The following AKAP5 variants were observed in gnomAD, a reference collection of about 807,000 sequenced individuals.
AKAP5 encodes A-kinase anchoring protein 5.
Under a neutral mutation model 13.8 loss-of-function variants are expected in AKAP5, and 5 were observed. The observed-to-expected ratio is 0.36, with a 90% CI of 0.19 to 0.76. AKAP5 has a LOEUF of 0.76. Ranked by LOEUF, AKAP5 falls within the 30% of genes least tolerant of loss-of-function variation. The probability of loss-of-function intolerance (pLI) is 0.51; values close to 1 mark genes in which losing one functional copy is unlikely to be tolerated. For synonymous variants in AKAP5, 148 were observed against 167.2 expected (o/e 0.89, Z 0.89); for missense variants, 406 against 484.4 (o/e 0.84, Z 1.52).
In AKAP5 at chr14:64,473,664, C is replaced by A. The variant is rs1402279739; in HGVS notation, c.*3986C>A. ...AAAAATAATTGTTAGGCTTTAGAAT[C>A]CCACTGTTTGAAAAGATCCTTTTAA... On this transcript the variant is annotated 3_prime_UTR_variant, in exon 2 of 2. Transcript: ENST00000394718. 1.2e-5 allele frequency: 2 copies of A among 166,948 alleles called. No individual in the cohort carries two copies. The highest frequency in any genetic ancestry group is 2.9e-5 in the Non-Finnish European group (2 of 68,106). The allele number at this position is 166,948 out of a possible 1,614,324, so 10.3% of individuals were successfully genotyped here.
In AKAP5 at chr14:64,473,467, G is replaced by C. The variant is rs1235532952; in HGVS notation, c.*3789G>C. The C allele has an allele frequency of 6.0e-6, 1 of 166,984 alleles. No individual in the cohort carries two copies. Among genetic ancestry groups the C allele is most frequent in the Non-Finnish European group, 1.5e-5 (1 of 68,122 alleles). The allele number at this position is 166,984 out of a possible 1,614,324, so 10.3% of individuals were successfully genotyped here. On this transcript the variant is annotated 3_prime_UTR_variant, in exon 2 of 2. Coordinates refer to ENST00000394718, the MANE Select transcript of AKAP5 (RefSeq NM_004857.3). ...TTATTTCACCAGTATATGTGAACAG[G>C]CTTGCTAAAGGCATTAAAGATATGG... is the stretch of plus-strand genomic sequence containing the variant.
In AKAP5 at chr14:64,469,741, G is replaced by A; in HGVS notation, c.*63G>A. On this transcript the variant is annotated 3_prime_UTR_variant, in exon 2 of 2. Coordinates refer to ENST00000394718, the MANE Select transcript of AKAP5 (RefSeq NM_004857.3). ...ATGAAGAATTCTTTTATACATTTGT[G>A]GCATTTCTTACTCAGTAACAAATGA... 1 of 1,221,442 alleles carries A rather than the reference G, an allele frequency of 8.2e-7. No homozygotes were observed. The highest frequency in any genetic ancestry group is 1.1e-6 in the Non-Finnish European group (1 of 880,368). 75.7% of individuals were successfully genotyped at this position (1,221,442 alleles called of 1,614,324 possible). A position where few individuals can be genotyped will look rare whatever the true frequency, so the allele number is the denominator to read the frequency against.
intron 1 of AKAP5, among the ~76,000 whole-genome samples, chr14:64,466,235 A>T (rs1490514767): frequency 6.6e-6 from 1 of 152,268 alleles, no homozygotes; most frequent in African/African-American, 2.4e-5. Flanking sequence ...TTGCTGGTTA[A>T]GAGCGAATCA....
Position 64,472,482 on chromosome 14 carries a change from TTTAC to T in AKAP5, c.*2807_*2810del, listed in dbSNP as rs1472243692. 6.0e-6 allele frequency: 1 copy of T among 166,942 alleles called. No homozygotes were observed. Among genetic ancestry groups the T allele is most frequent in the Admixed American group, 6.5e-5 (1 of 15,278 alleles). The allele number at this position is 166,942 out of a possible 1,614,324, so 10.3% of individuals were successfully genotyped here. A position where few individuals can be genotyped will look rare whatever the true frequency, so the allele number is the denominator to read the frequency against. On this transcript the variant is annotated 3_prime_UTR_variant, in exon 2 of 2. Transcript: ENST00000394718. Reference sequence around the variant, plus strand: ...GTAAAATTTTATCTAATACTAGGTTTTTACTTTTTTCACTGTGGTTTGATATATA... The same window carrying T: ...GTAAAATTTTATCTAATACTAGGTTTTTTTTTCACTGTGGTTTGATATATA...
At position 64,474,217 on chromosome 14, in the gene AKAP5, C is replaced by T. The variant is rs1483636223; in HGVS notation, c.*4539C>T. The T allele has an allele frequency of 6.0e-6, 1 of 166,990 alleles. No individual in the cohort carries two copies. Among genetic ancestry groups the T allele is most frequent in the African/African-American group, 2.4e-5 (1 of 41,418 alleles). 10.3% of individuals were successfully genotyped at this position (166,990 alleles called of 1,614,324 possible). A position where few individuals can be genotyped will look rare whatever the true frequency, so the allele number is the denominator to read the frequency against. ...GAAGGTGGTGATCTGAATACAGCAG[C>T]AGTTTGAAAGTGTTCCGTTTTTAAA... On this transcript the variant is annotated 3_prime_UTR_variant, in exon 2 of 2. Transcript: ENST00000394718.
rs1487137640 is a variant in AKAP5, at chr14:64,473,535, TTAACTTCATCCATACATTTC to T, written c.*3872_*3891del. ...TTTGGCTTCTGTATGCAATCCAGCA[TTAACTTCATCCATACATTTC>T]TAACTTCATCCATAAATTTCTAACT... On this transcript the variant is annotated 3_prime_UTR_variant, in exon 2 of 2. Transcript: ENST00000394718. The T allele has an allele frequency of 6.0e-6, 1 of 167,106 alleles. No homozygotes were observed. Among genetic ancestry groups the T allele is most frequent in the Non-Finnish European group, 1.5e-5 (1 of 68,116 alleles). The allele number at this position is 167,106 out of a possible 1,614,324, so 10.4% of individuals were successfully genotyped here.
Position 64,469,490 on chromosome 14 carries a change from G to T in AKAP5, c.1096G>T (p.Ala366Ser). Residue 366 changes from alanine to serine, a missense_variant, in exon 2 of 2, where the codon GCT (alanine) becomes TCT (serine). Coordinates refer to ENST00000394718, the MANE Select transcript of AKAP5 (RefSeq NM_004857.3). ...TGTCCCTAAGCAATTCTTAATTTCA[G>T]CTGAAAATGAGCAAGTAGGGGTTTT... is the stretch of plus-strand genomic sequence containing the variant. ...KNVPKQFLIS[A>S]ENEQVGVFAN... 1 of 1,613,146 alleles carries T rather than the reference G, an allele frequency of 6.2e-7. No individual in the cohort carries two copies. Among genetic ancestry groups the T allele is most frequent in the South Asian group, 1.1e-5 (1 of 90,662 alleles).
Position 64,471,154 on chromosome 14 carries a change from CTTTT to C in AKAP5, c.*1489_*1492del, listed in dbSNP as rs377652418. The C allele has an allele frequency of 3.6e-5, 5 of 137,296 alleles. No homozygotes were observed. The highest frequency in any genetic ancestry group is 2.7e-5 in the African/African-American group (1 of 36,418). The allele number at this position is 137,296 out of a possible 1,614,324, so 8.5% of individuals were successfully genotyped here. A position where few individuals can be genotyped will look rare whatever the true frequency, so the allele number is the denominator to read the frequency against. On this transcript the variant is annotated 3_prime_UTR_variant, in exon 2 of 2. Transcript: ENST00000394718. ...AACTTTTTCATCACTATTTTCTTTT[CTTTT>C]TTTTTTTTTTTTGAGATGGAGTCTC... is the stretch of plus-strand genomic sequence containing the variant.
At position 64,469,199 on chromosome 14, in the gene AKAP5, C is replaced by A; in HGVS notation, c.805C>A (p.Pro269Thr). 6.2e-7 allele frequency: 1 copy of A among 1,614,088 alleles called. No individual in the cohort carries two copies. Among genetic ancestry groups the A allele is most frequent in the African/African-American group, 1.3e-5 (1 of 75,032 alleles). The change falls in exon 2 of 2, where the codon CCT (proline) becomes ACT (threonine). Residue 269 changes from proline (P) to threonine (T), a missense_variant. By Grantham distance (38) the Pro-to-Thr change is conservative. Transcript: ENST00000394718. ...AGTACTTTCTGATGTTCCTCCTTTA[C>A]CTGCAATTCCAGATCAACAAATTGT... The part of the protein sequence containing the change: ...QPVLSDVPPL[P>T]AIPDQQIVEE...
At position 64,468,823 on chromosome 14, in the gene AKAP5, AAT is replaced by A; in HGVS notation, c.430_431del (p.Ile144TyrfsTer15). The A allele has an allele frequency of 1.2e-6, 2 of 1,614,190 alleles. No individual in the cohort carries two copies. Among genetic ancestry groups the A allele is most frequent in the Non-Finnish European group, 1.7e-6 (2 of 1,180,042 alleles). On this transcript the variant is annotated frameshift_variant, in exon 2 of 2. Coordinates refer to ENST00000394718, the MANE Select transcript of AKAP5 (RefSeq NM_004857.3). LOFTEE classifies it low-confidence loss of function (END_TRUNC). ...GGCCAAAAAGGAGTAATCATTCCAA[AAT>A]TATAGAAGACTCAGACTGCAGCATC... ...RGPKRSNHSK[I>X]IEDSDCSIKV...
Position 64,470,919 on chromosome 14 carries a change from T to C in AKAP5, c.*1241T>C, listed in dbSNP as rs1207054141. ...CAACTTCTCTCCAAAGAGGGGAGAG[T>C]AGATTCAAAGCCAGCCTGGTAGTAA... On this transcript the variant is annotated 3_prime_UTR_variant, in exon 2 of 2. Coordinates refer to ENST00000394718, the MANE Select transcript of AKAP5 (RefSeq NM_004857.3). 6.0e-6 allele frequency: 1 copy of C among 166,728 alleles called. No individual in the cohort carries two copies. Among genetic ancestry groups the C allele is most frequent in the Admixed American group, 6.6e-5 (1 of 15,228 alleles). 10.3% of individuals were successfully genotyped at this position (166,728 alleles called of 1,614,324 possible). A position where few individuals can be genotyped will look rare whatever the true frequency, so the allele number is the denominator to read the frequency against.
Position 64,469,500 on chromosome 14 carries a change from A to C in AKAP5, c.1106A>C (p.Glu369Ala). The C allele has an allele frequency of 3.1e-6, 5 of 1,613,358 alleles. No homozygotes were observed. The highest frequency in any genetic ancestry group is 4.2e-6 in the Non-Finnish European group (5 of 1,179,846). The change falls in exon 2 of 2, where the codon GAG becomes GCG. Residue 369 changes from glutamate to alanine, a missense_variant. Physicochemically the swap from Glu to Ala is moderately radical, Grantham distance 107 (BLOSUM62 -1). Coordinates refer to ENST00000394718, the MANE Select transcript of AKAP5 (RefSeq NM_004857.3). ...CAATTCTTAATTTCAGCTGAAAATG[A>C]GCAAGTAGGGGTTTTTGCTAATGAT... ...PKQFLISAEN[E>A]QVGVFANDNG...
chr14:64,465,548 G>A lies in AKAP5; in HGVS notation c.-329G>A, dbSNP rs1039885822. 6.6e-6 allele frequency: 1 copy of A among 152,122 alleles called. No homozygotes were observed. Among genetic ancestry groups the A allele is most frequent in the African/African-American group, 2.4e-5 (1 of 41,450 alleles). The allele number at this position is 152,122 out of a possible 1,614,324, so 9.4% of individuals were successfully genotyped here. A position where few individuals can be genotyped will look rare whatever the true frequency, so the allele number is the denominator to read the frequency against. On this transcript the variant is annotated 5_prime_UTR_variant, in exon 1 of 2. Coordinates refer to ENST00000394718, the MANE Select transcript of AKAP5 (RefSeq NM_004857.3). ...CGACCGCGGCTCCCTGGAGGCCTGGGCGGCGGGCCCCGCGAGCGCGCCGCC... is the reference window on the plus strand; with the variant it reads ...CGACCGCGGCTCCCTGGAGGCCTGGACGGCGGGCCCCGCGAGCGCGCCGCC...
chr14:64,470,861 T>C lies in AKAP5; in HGVS notation c.*1183T>C, dbSNP rs909038483. 1 of 167,034 alleles carries C rather than the reference T, an allele frequency of 6.0e-6. No homozygotes were observed. The highest frequency in any genetic ancestry group is 2.4e-5 in the African/African-American group (1 of 41,468). 10.3% of individuals were successfully genotyped at this position (167,034 alleles called of 1,614,324 possible). On this transcript the variant is annotated 3_prime_UTR_variant, in exon 2 of 2. Coordinates refer to ENST00000394718, the MANE Select transcript of AKAP5 (RefSeq NM_004857.3). ...TATCACAGATAATATAGGATTCATCTTGCAGAATTACTTCTTTAAGAGCCA... is the reference window on the plus strand; with the variant it reads ...TATCACAGATAATATAGGATTCATCCTGCAGAATTACTTCTTTAAGAGCCA...
Position 64,469,331 on chromosome 14 carries a change from C to T in AKAP5, c.937C>T (p.Gln313Ter), listed in dbSNP as rs920611748. 6.2e-7 allele frequency: 1 copy of T among 1,613,398 alleles called. No individual in the cohort carries two copies. Among genetic ancestry groups the T allele is most frequent in the African/African-American group, 1.3e-5 (1 of 74,782 alleles). Residue 313 changes from glutamine (Q) to a stop codon, truncating the protein, a stop_gained, in exon 2 of 2, where the codon CAA becomes TAA. Coordinates refer to ENST00000394718, the MANE Select transcript of AKAP5 (RefSeq NM_004857.3). LOFTEE classifies it high-confidence loss of function. ...ETKPKDTELS[Q>*]ESDFKENGIT... ...TAAGCCAAAAGATACTGAATTGAGC[C>T]AAGAATCAGATTTTAAAGAAAATGG...
intron 1 of AKAP5, among the ~76,000 whole-genome samples, chr14:64,466,881 C>T (rs1160938865): frequency 6.6e-6 from 1 of 152,094 alleles, no homozygotes; most frequent in East Asian, 1.9e-4. Flanking sequence ...GCCATCATAC[C>T]ATTCTAAGGA....
rs548113199 is a variant in AKAP5, at chr14:64,472,382, T to C, written c.*2704T>C. 2 of 167,186 alleles carry C rather than the reference T, an allele frequency of 1.2e-5. No homozygotes were observed. Among genetic ancestry groups the C allele is most frequent in the African/African-American group, 2.4e-5 (1 of 41,574 alleles). 10.4% of individuals were successfully genotyped at this position (167,186 alleles called of 1,614,324 possible). ...CAAAAAGTATAGTACTTAGCAGTTA[T>C]TGGAAATATTTTGGGGGATTTTTAA... On this transcript the variant is annotated 3_prime_UTR_variant, in exon 2 of 2. Transcript: ENST00000394718.
chr14:64,466,541 G>C (rs569066656), intron 1 of AKAP5, among the ~76,000 whole-genome samples: 1 of 152,314 alleles, frequency 6.6e-6, no homozygotes, highest in East Asian at 1.9e-4. Flanking sequence ...TTAGGTTCTA[G>C]TGCTCACTGA....
rs1256149 is a variant in AKAP5 at position 64,469,002 on chromosome 14, C to T, written c.608C>T (p.Thr203Ile). 1,610,017 of 1,614,232 alleles carry T rather than the reference C, an allele frequency of 1. 802,992 individuals are homozygous for T. The highest frequency in any genetic ancestry group is 1 in the African/African-American group (75,051 of 75,056). Residue 203 changes from threonine to isoleucine, a missense_variant, in exon 2 of 2, where the codon ACA becomes ATA. Thr to Ile is a moderately conservative substitution (Grantham distance 89). Transcript: ENST00000394718. ...EVCESNVSNSTTSGEKVISVE... is the reference protein window; with the variant it reads ...EVCESNVSNSITSGEKVISVE... ...TGTGAATCAAATGTGAGCAATAGCA[C>T]AACTTCTGGAGAGAAAGTGATTTCA...
Sources: allele counts gnomAD v4.1 joint callset (sites outside exome capture counted in the v4.1 genomes callset), GRCh38; gene constraint gnomAD v4.1.1; transcripts MANE v1.5; gene names NCBI Gene and HGNC (gene_info 2026-07-23, HGNC 2026-07-21).